The following PLXNA2 variants were observed in gnomAD, a reference collection of about 807,000 sequenced individuals.
The protein encoded by PLXNA2 is plexin A2, also known as plexin-A2.
PLXNA2 carries 91 observed loss-of-function variants against 193.5 expected under a neutral mutation model. The ratio of observed to expected loss-of-function variants is 0.47; its 90% CI spans 0.40 to 0.56. The LOEUF (loss-of-function observed/expected upper bound fraction) is 0.56, where lower values mean the gene tolerates loss of function less well. PLXNA2 is among the 20% of genes least tolerant of loss of function. The probability of loss-of-function intolerance (pLI) is 0.00; values close to 1 mark genes in which losing one functional copy is unlikely to be tolerated. For missense variants in PLXNA2, 1,995 were observed against 2,503.2 expected, an observed-to-expected ratio of 0.80 and a Z score of 4.33; for synonymous variants, 997 against 1,027.3, an observed-to-expected ratio of 0.97 and a Z score of 0.56.
rs141466719 is a variant in PLXNA2 at position 208,238,657 on chromosome 1, C to A, written c.-81+4986G>T. On this transcript the variant is annotated intron_variant, in intron 1 of 31. Transcript: ENST00000367033. ...GGGAATTATAATTCAGAGAAAGATT[C>A]CCACAGAGAATATGAAGAAAAAGAT... 1.2e-3 allele frequency among the ~76,000 whole-genome samples: 180 copies of A among 152,282 alleles called. 1 individual carries two copies. In the Middle Eastern group the frequency reaches 0.02, roughly 17 times the overall value.
At chr1:208,204,985 A>AC (rs1004157891) in intron 3 of PLXNA2, among the ~76,000 whole-genome samples, 1 of 151,680 alleles carries the variant, frequency 6.6e-6, no homozygotes, top group African/African-American at 2.4e-5. Flanking sequence ...GCAAAACACT[A>AC]CCCCCCAGCT....
intron 3 of PLXNA2, among the ~76,000 whole-genome samples, chr1:208,171,460 G>T (rs1053434846): frequency 6.6e-6 from 1 of 152,202 alleles, no homozygotes. Context: ...GAAGGAAAAT[G>T]GGGGCAGTAG....
intron 17 of PLXNA2, among the ~76,000 whole-genome samples, chr1:208,048,521 G>T (rs1665151766): frequency 6.6e-6 from 1 of 152,224 alleles, no homozygotes; most frequent in Non-Finnish European, 1.5e-5. Context: ...GCTCCCCAGA[G>T]GGCAGAACTG....
chr1:208,050,302 C>A (rs1411431878), intron 17 of PLXNA2, among the ~76,000 whole-genome samples: 2 of 152,206 alleles, frequency 1.3e-5, no homozygotes, highest in Non-Finnish European at 2.9e-5. Context: ...GGTTAAATGA[C>A]TTGACCATGC....
intron 12 of PLXNA2, 140 bp from the exon 13 acceptor site, chr1:208,060,977 C>A: frequency 1.5e-6 from 1 of 652,702 alleles, no homozygotes; most frequent in Non-Finnish European, 2.6e-6. Context: ...TGAGTGAGTG[C>A]GTTTTGTCCA....
intron 2 of PLXNA2, among the ~76,000 whole-genome samples, chr1:208,215,930 T>C (rs1671112798): frequency 6.6e-6 from 1 of 152,182 alleles, no homozygotes; most frequent in African/African-American, 2.4e-5. Flanking sequence ...CTTTTGCCTT[T>C]GCCCACACTC....
rs1671192406 is a variant in PLXNA2 at position 208,217,852 on chromosome 1, A to G, written c.71T>C (p.Val24Ala). The stretch of plus-strand genomic sequence containing the variant: ...TGCTGGGGGGGCCAGCAGCACCCAG[A>G]CCACTGAGAGCAGGACCACAGAGCG... ...DSRSVVLLSV[V>A]WVLLAPPAAG... Residue 24 changes from valine to alanine, a missense_variant, in exon 2 of 32, where the codon GTC (valine) becomes GCC (alanine). Around this residue, in one of 3 missense-constraint regions of PLXNA2, gnomAD observed 702 missense variants for 812.9 expected, o/e 0.86. Coordinates refer to ENST00000367033, the MANE Select transcript of PLXNA2 (RefSeq NM_025179.4). The surrounding 1 kb of genome is among the most constrained non-coding windows in gnomAD (Gnocchi z 4.7). 1.2e-6 allele frequency: 2 copies of G among 1,613,796 alleles called. No homozygotes were observed. Among genetic ancestry groups the G allele is most frequent in the Admixed American group, 1.7e-5 (1 of 60,008 alleles).
At chr1:208,174,579 G>A (rs534462556) in intron 3 of PLXNA2, among the ~76,000 whole-genome samples, 32 of 152,212 alleles carry the variant, frequency 2.1e-4, no homozygotes, top group African/African-American at 7.5e-4. Context: ...GGCAGAAGAG[G>A]CAGGTGAAGG....
chr1:208,184,954 C>A (rs1050944400), intron 3 of PLXNA2, among the ~76,000 whole-genome samples: 16 of 152,180 alleles, frequency 1.1e-4, no homozygotes, highest in African/African-American at 3.6e-4. Context: ...AAGCTTTTTG[C>A]CCACAGGTGG....
intron 3 of PLXNA2, among the ~76,000 whole-genome samples, chr1:208,179,748 G>C (rs1346287969): frequency 6.6e-6 from 1 of 152,188 alleles, no homozygotes; most frequent in Non-Finnish European, 1.5e-5. Flanking sequence ...ACCTTGAGCT[G>C]AAGCCTCCCC....
chr1:208,051,112 G>T lies in PLXNA2; in HGVS notation c.3162-10C>A, dbSNP rs761633248. On this transcript the variant is annotated splice_polypyrimidine_tract_variant and intron_variant, in intron 16 of 31. Coordinates refer to ENST00000367033, the MANE Select transcript of PLXNA2 (RefSeq NM_025179.4). ...CAGGGGTGTGTGGCCACTGAAAACA[G>T]GCAGAGGCTCGGTTAGGTAAAAAAC... 1 of 1,611,652 alleles carries T rather than the reference G, an allele frequency of 6.2e-7. No homozygotes were observed.
rs1665594854 is a variant in PLXNA2, at chr1:208,060,807, C to G, written c.2617G>C (p.Gly873Arg). 1 of 1,613,978 alleles carries G rather than the reference C, an allele frequency of 6.2e-7. No individual in the cohort carries two copies. The change falls in exon 13 of 32, where the codon GGG (glycine) becomes CGG (arginine). Residue 873 changes from glycine (G) to arginine (R), a missense_variant. By Grantham distance (125) the Gly-to-Arg change is moderately radical. Coordinates refer to ENST00000367033, the MANE Select transcript of PLXNA2 (RefSeq NM_025179.4). ...ACGCCATGGATGGTCACTCGCGTCCCTCCTTCCGGCGGTCCAGACACCGTC... is the reference window on the plus strand; with the variant it reads ...ACGCCATGGATGGTCACTCGCGTCCGTCCTTCCGGCGGTCCAGACACCGTC... ...ILTVSGPPEG[G>R]TRVTIHGVNL...
chr1:208,207,635 T>G (rs925704943), intron 3 of PLXNA2, among the ~76,000 whole-genome samples: 7 of 152,218 alleles, frequency 4.6e-5, no homozygotes, highest in African/African-American at 1.7e-4. Flanking sequence ...AGCTATTTTT[T>G]TTCTTTATTT....
At chr1:208,203,223 G>A (rs1054982720) in intron 3 of PLXNA2, among the ~76,000 whole-genome samples, 11 of 152,190 alleles carry the variant, frequency 7.2e-5, no homozygotes, top group African/African-American at 2.4e-4. Flanking sequence ...AACAAACAGC[G>A]AGCTTGGCGG....
rs141503079 is a variant in PLXNA2, at chr1:208,033,393, C to T, written c.4981G>A (p.Gly1661Ser). ...VWHLVKNHDH[G>S]DQKEGDRGSK... ...CCCCGGTCACCCTCCTTCTGGTCAC[C>T]GTGGTCATGGTTCTTCACCAGATGC... Residue 1661 changes from glycine (G) to serine (S), a missense_variant, in exon 28 of 32, where the codon GGT becomes AGT. Transcript: ENST00000367033. The T allele has an allele frequency of 1.8e-5, 29 of 1,614,042 alleles. No individual in the cohort carries two copies. Among genetic ancestry groups the T allele is most frequent in the Middle Eastern group, 1.6e-4 (1 of 6,082 alleles).
chr1:208,086,827 A>G (rs1209000173), intron 9 of PLXNA2, among the ~76,000 whole-genome samples: 1 of 150,926 alleles, frequency 6.6e-6, no homozygotes, highest in Non-Finnish European at 1.5e-5. Context: ...CACTTTAGGG[A>G]AGCCCAGGCA....
At chr1:208,144,551 C>G (rs138192907) in intron 3 of PLXNA2, among the ~76,000 whole-genome samples, 1 of 152,134 alleles carries the variant, frequency 6.6e-6, no homozygotes, top group Non-Finnish European at 1.5e-5. Flanking sequence ...CTATACCCCA[C>G]GGATGAAAAT....
At chr1:208,158,324 T>C (rs568704082) in intron 3 of PLXNA2, among the ~76,000 whole-genome samples, 2 of 152,280 alleles carry the variant, frequency 1.3e-5, no homozygotes, top group South Asian at 4.2e-4. Flanking sequence ...TCTCTCCATA[T>C]ACATTGTTTC....
At chr1:208,077,953 G>A (rs1452225185) in intron 12 of PLXNA2, among the ~76,000 whole-genome samples, 2 of 152,094 alleles carry the variant, frequency 1.3e-5, no homozygotes, top group Non-Finnish European at 2.9e-5. Context: ...TCTTGTGGAT[G>A]GATTGCATCT....
Sources: gnomAD v4.1 joint callset for allele counts (sites outside exome capture counted in the v4.1 genomes callset) on GRCh38, gnomAD v4.1.1 for gene constraint, gnomAD v4.1.1 regional missense constraint, Gnocchi (gnomAD v3.1) non-coding constraint, MANE v1.5 for transcripts, NCBI Gene and HGNC (gene_info 2026-07-23, HGNC 2026-07-21) for gene names.